ZFYVE28: variants seen among roughly 807,000 people sequenced by gnomAD.
The protein encoded by ZFYVE28 is lateral signaling target protein 2 homolog.
A neutral mutation model predicts 82.1 loss-of-function variants in ZFYVE28; 40 were observed. That is an observed-to-expected ratio of 0.49 (90% confidence interval 0.38 to 0.63). The LOEUF is 0.63. Among genes scored for constraint, ZFYVE28 ranks in the 30% least tolerant of loss-of-function variants. The pLI is 0.00. For missense variants in ZFYVE28, 1,321 were observed against 1,242.1 expected (o/e 1.06, Z -0.96); for synonymous variants, 612 against 546.1 (o/e 1.12, Z -1.68).
At position 2,350,764 on chromosome 4, in the gene ZFYVE28, T is replaced by C. The variant is rs560444377; in HGVS notation, c.180+3169A>G. 3.3e-5 allele frequency among the ~76,000 whole-genome samples: 5 copies of C among 152,304 alleles called. No individual in the cohort carries two copies. In the East Asian group the frequency reaches 9.7e-4, roughly 29 times the overall value. ...TGATATATAATCAATCATGGCTCTA[T>C]AATGAAGCTTCCAAAAACACCCAAA... is the stretch of plus-strand genomic sequence containing the variant. On this transcript the variant is annotated intron_variant, in intron 2 of 12. Coordinates refer to ENST00000290974, the MANE Select transcript of ZFYVE28 (RefSeq NM_020972.3).
At chr4:2,325,154 T>G (rs533109568) in intron 6 of ZFYVE28, 9 of 152,282 alleles carry the variant, frequency 5.9e-5, no homozygotes, top group African/African-American at 2.2e-4. Context: ...GATTTTTCTC[T>G]TAAAGCAAAT....
At chr4:2,350,119 A>G (rs1266266328) in intron 2 of ZFYVE28, among the ~76,000 whole-genome samples, 1 of 152,142 alleles carries the variant, frequency 6.6e-6, no homozygotes, top group Non-Finnish European at 1.5e-5. Flanking sequence ...TTGGCAAAAA[A>G]TTTAACAGAA....
At chr4:2,338,778 A>C (rs776264659) in intron 4 of ZFYVE28, among the ~76,000 whole-genome samples, 2 of 152,168 alleles carry the variant, frequency 1.3e-5, no homozygotes, top group African/African-American at 2.4e-5. Context: ...TGAAAAACTT[A>C]TTAACTGAAC....
At chr4:2,271,121 G>C in intron 12 of ZFYVE28, 190 bp downstream of exon 12, 1 of 741,082 alleles carries the variant, frequency 1.3e-6, no homozygotes, top group Non-Finnish European at 2.2e-6. Context: ...CTGGACATGG[G>C]CACCATCCAG....
At chr4:2,331,056 G>A (rs1189238792) in intron 6 of ZFYVE28, 1 of 1,365,376 alleles carries the variant, frequency 7.3e-7, no homozygotes, top group African/African-American at 1.5e-5. Context: ...GGGCTGGGGA[G>A]GAAGGCAGGG....
rs28648598 is a variant in ZFYVE28 at position 2,417,348 on chromosome 4, C to A, written c.39+937G>T. On this transcript the variant is annotated intron_variant, in intron 1 of 12. Transcript: ENST00000290974. This position sits in a 1 kb window ranked among gnomAD's most constrained non-coding sequence, Gnocchi z 4.8. ...CGCCGCGCCTTCATCCCGCGCCGAG[C>A]GCGCCCGGCCCTGCTCCGGCTGCAG... Among the ~76,000 whole-genome samples the A allele has an allele frequency of 0.021, 3,126 of 151,896 alleles. 86 individuals are homozygous for A. The highest frequency in any genetic ancestry group is 0.066 in the African/African-American group (2,722 of 41,534).
intron 1 of ZFYVE28, among the ~76,000 whole-genome samples, chr4:2,387,753 G>A (rs866444250): frequency 6.6e-6 from 1 of 152,226 alleles, no homozygotes; most frequent in Non-Finnish European, 1.5e-5. Context: ...TTACTGTTCT[G>A]GGGGAATGGT....
At chr4:2,291,146 C>A (rs1225644241) in intron 8 of ZFYVE28, among the ~76,000 whole-genome samples, 1 of 152,166 alleles carries the variant, frequency 6.6e-6, no homozygotes, top group African/African-American at 2.4e-5. Context: ...CAGAAGCCAC[C>A]ACAACTGGCG....
chr4:2,326,550 T>C (rs1408353409), intron 6 of ZFYVE28, among the ~76,000 whole-genome samples: 3 of 151,416 alleles, frequency 2.0e-5, no homozygotes, highest in Non-Finnish European at 4.4e-5. Context: ...ATATGAATTA[T>C]AGGATTTTTT....
chr4:2,274,288 G>C, intron 8 of ZFYVE28, 72 bp from the exon 9 acceptor site: 1 of 1,542,282 alleles, frequency 6.5e-7, no homozygotes. Context: ...AAGGTCACTG[G>C]TCAAGACAAA....
chr4:2,407,660 G>A (rs957057766), intron 1 of ZFYVE28, among the ~76,000 whole-genome samples: 42 of 152,014 alleles, frequency 2.8e-4, no homozygotes, highest in African/African-American at 8.5e-4. Flanking sequence ...GCACGATCTC[G>A]GCTCACTGCA....
intron 6 of ZFYVE28, among the ~76,000 whole-genome samples, chr4:2,327,282 AT>A (rs1560209043): frequency 1.6e-4 from 6 of 37,596 alleles, no homozygotes; most frequent in Non-Finnish European, 3.2e-4. Context: ...ATATATATAT[AT>A]ATATATATAT....
chr4:2,280,315 C>T (rs998696739), intron 8 of ZFYVE28, among the ~76,000 whole-genome samples: 8 of 152,056 alleles, frequency 5.3e-5, no homozygotes, highest in African/African-American at 1.9e-4. Context: ...CAAGACCAGT[C>T]TGGGCAACAT....
chr4:2,345,865 A>G (rs1376380510), intron 2 of ZFYVE28, among the ~76,000 whole-genome samples: 1 of 152,152 alleles, frequency 6.6e-6, no homozygotes, highest in Non-Finnish European at 1.5e-5. Flanking sequence ...AAATAATACA[A>G]GTGAGAAGAG....
In ZFYVE28 at chr4:2,372,251, A is replaced by G. The variant is rs1560300571; in HGVS notation, c.40-18178T>C. ...TCCTAGAAGGATGGTGGCGGGGCTGAGTCTGGTTCCGAGAAGGACTCGTGA... is the reference window on the plus strand; with the variant it reads ...TCCTAGAAGGATGGTGGCGGGGCTGGGTCTGGTTCCGAGAAGGACTCGTGA... On this transcript the variant is annotated intron_variant, in intron 1 of 12. Coordinates refer to ENST00000290974, the MANE Select transcript of ZFYVE28 (RefSeq NM_020972.3). This position sits in a 1 kb window ranked among gnomAD's most constrained non-coding sequence, Gnocchi z 5.2. Among the ~76,000 whole-genome samples the G allele has an allele frequency of 6.6e-6, 1 of 152,070 alleles. No individual in the cohort carries two copies. The highest frequency in any genetic ancestry group is 2.4e-5 in the African/African-American group (1 of 41,400).
chr4:2,315,391 T>C (rs1718057794), intron 7 of ZFYVE28, among the ~76,000 whole-genome samples: 1 of 152,040 alleles, frequency 6.6e-6, no homozygotes, highest in Admixed American at 6.6e-5. Flanking sequence ...GTTCAAGTGA[T>C]TCTCGTGTCT....
chr4:2,368,489 G>A (rs146137765), intron 1 of ZFYVE28, among the ~76,000 whole-genome samples: 36 of 146,710 alleles, frequency 2.5e-4, no homozygotes, highest in East Asian at 1.7e-3. Context: ...CATCACCTCC[G>A]GAAGAAACCA....
In ZFYVE28 at chr4:2,337,510, G is replaced by A. The variant is rs749217509; in HGVS notation, c.522-14C>T. On this transcript the variant is annotated splice_polypyrimidine_tract_variant and intron_variant, in intron 4 of 12. Transcript: ENST00000290974. ...GCCGAGACGTAGCTGCAAACACATG[G>A]AGACCTGTGAGGCCGCACCTGGGCT... 2 of 1,591,208 alleles carry A rather than the reference G, an allele frequency of 1.3e-6. No individual in the cohort carries two copies. Among genetic ancestry groups the A allele is most frequent in the East Asian group, 2.3e-5 (1 of 43,772 alleles).
chr4:2,349,923 T>A (rs910316536), intron 2 of ZFYVE28, among the ~76,000 whole-genome samples: 1 of 152,104 alleles, frequency 6.6e-6, no homozygotes, highest in Admixed American at 6.6e-5. Flanking sequence ...ATCACGCTTA[T>A]CTTTGGGGAG....
Sources: allele counts gnomAD v4.1 joint callset (sites outside exome capture counted in the v4.1 genomes callset), GRCh38; gene constraint gnomAD v4.1.1; non-coding constraint Gnocchi (gnomAD v3.1); transcripts MANE v1.5; gene names NCBI Gene and HGNC (gene_info 2026-07-23, HGNC 2026-07-21).